Variants in NFIB observed in about 807,000 individuals in gnomAD.
The protein encoded by NFIB is nuclear factor 1 B-type.
NFIB carries 11 observed loss-of-function variants against 61.5 expected under a neutral mutation model. That is an observed-to-expected ratio of 0.18 (90% CI 0.11 to 0.30). The LOEUF (loss-of-function observed/expected upper bound fraction) is 0.30. NFIB is among the 10% of genes least tolerant of loss of function. The probability of loss-of-function intolerance (pLI) is 1.00; values close to 1 mark genes in which losing one functional copy is unlikely to be tolerated. For missense variants in NFIB, 471 were observed against 608.9 expected (o/e 0.77, Z 2.38); for synonymous variants, 260 against 216.5 (o/e 1.20, Z -1.76).
chr9:14,521,044 AG>A, the NFIB span, among the ~76,000 whole-genome samples: 1 of 152,172 alleles, frequency 6.6e-6, no homozygotes, highest in Non-Finnish European at 1.5e-5. Flanking sequence ...CAAGAAAATG[AG>A]GCTGAACAAA....
rs191830077 is a variant in NFIB, at chr9:14,235,309, G to A, written c.563-55529C>T. 3.3e-4 allele frequency among the ~76,000 whole-genome samples: 50 copies of A among 152,276 alleles called. 1 individual carries two copies. The highest frequency in any genetic ancestry group is 3.3e-3 in the Admixed American group (50 of 15,288). ...ACTGATAGAGGAGAATGCCTTTTGT[G>A]TTTAGGAACTCCCAGTATTGCCAGC... On this transcript the variant is annotated intron_variant, in intron 2 of 10. Coordinates refer to ENST00000380953, the MANE Select transcript of NFIB (RefSeq NM_001190737.2).
At chr9:14,517,539 T>C in the NFIB span, among the ~76,000 whole-genome samples, 1 of 152,188 alleles carries the variant, frequency 6.6e-6, no homozygotes, top group African/African-American at 2.4e-5. Flanking sequence ...TTGTCCTATG[T>C]TACTTGATCT....
At chr9:14,268,112 T>C (rs1278887888) in intron 2 of NFIB, among the ~76,000 whole-genome samples, 1 of 91,728 alleles carries the variant, frequency 1.1e-5, no homozygotes, top group East Asian at 3.1e-4. Context: ...CATAGCAAGA[T>C]TCCATCTCAA....
chr9:14,279,961 G>T (rs2132421287), intron 2 of NFIB, among the ~76,000 whole-genome samples: 1 of 152,258 alleles, frequency 6.6e-6, no homozygotes, highest in South Asian at 2.1e-4. Context: ...CAACCAGCGG[G>T]ATTGCTCTGA....
At chr9:14,181,282 C>T (rs955252969) in intron 2 of NFIB, among the ~76,000 whole-genome samples, 1 of 152,164 alleles carries the variant, frequency 6.6e-6, no homozygotes, top group African/African-American at 2.4e-5. Flanking sequence ...TTCATGAGAT[C>T]TTGGCAGGCA....
intron 2 of NFIB, among the ~76,000 whole-genome samples, chr9:14,280,233 C>CT (rs1407727459): frequency 1.3e-5 from 2 of 152,160 alleles, no homozygotes; most frequent in African/African-American, 4.8e-5. Context: ...GATTCCACCA[C>CT]TTGCTAGTTG....
chr9:14,185,008 T>G (rs527832001), intron 2 of NFIB, among the ~76,000 whole-genome samples: 5 of 152,152 alleles, frequency 3.3e-5, no homozygotes, highest in Non-Finnish European at 7.4e-5. Flanking sequence ...CTGGTAATGT[T>G]TGGAACACAG....
At chr9:14,091,406 A>C (rs1242918295) in intron 10 of NFIB, among the ~76,000 whole-genome samples, 1 of 152,076 alleles carries the variant, frequency 6.6e-6, no homozygotes. Context: ...TGCTTTTTAT[A>C]CATCTAACTC....
chr9:14,210,110 T>C (rs975513897), intron 2 of NFIB, among the ~76,000 whole-genome samples: 6 of 152,120 alleles, frequency 3.9e-5, no homozygotes, highest in Non-Finnish European at 8.8e-5. Flanking sequence ...GCGCTACACA[T>C]CTCCCCAAAG....
chr9:14,314,303 G>A (rs2060438195), upstream of NFIB: 4 of 307,724 alleles, frequency 1.3e-5, no homozygotes, highest in African/African-American at 2.3e-5. Context: ...GCCGCCGCCC[G>A]CGCCGGGTCT....
chr9:14,205,426 T>C (rs1185336512), intron 2 of NFIB, among the ~76,000 whole-genome samples: 3 of 151,702 alleles, frequency 2.0e-5, no homozygotes, highest in Non-Finnish European at 4.4e-5. Context: ...TAAGTACACC[T>C]TCATAAGTAC....
intron 2 of NFIB, among the ~76,000 whole-genome samples, chr9:14,218,147 A>C (rs1360455045): frequency 1.3e-5 from 2 of 152,224 alleles, no homozygotes; most frequent in Non-Finnish European, 2.9e-5. Flanking sequence ...CCAAGGTGGT[A>C]TTTGGAAGGC....
chr9:14,216,393 TA>T (rs1176267142), intron 2 of NFIB, among the ~76,000 whole-genome samples: 1 of 151,922 alleles, frequency 6.6e-6, no homozygotes, highest in Non-Finnish European at 1.5e-5. Context: ...AAGTAGAAAC[TA>T]AAAAAGGTCT....
intron 1 of NFIB, among the ~76,000 whole-genome samples, chr9:14,390,925 A>G (rs2061611950): frequency 6.6e-6 from 1 of 152,246 alleles, no homozygotes; most frequent in Admixed American, 6.5e-5. Flanking sequence ...ACTTTGGATT[A>G]TAACCAAAAG....
At chr9:14,123,710 C>G (rs1358166008) in intron 7 of NFIB, among the ~76,000 whole-genome samples, 2 of 152,098 alleles carry the variant, frequency 1.3e-5, no homozygotes, top group African/African-American at 4.8e-5. Flanking sequence ...TGCCAGTTTG[C>G]CCCTTTTCTT....
At chr9:14,315,105 G>A (rs917612901), upstream of NFIB, among the ~76,000 whole-genome samples, 1 of 152,024 alleles carries the variant, frequency 6.6e-6, no homozygotes. Flanking sequence ...GCGGGGACCT[G>A]AGCGAACTTG....
the NFIB span, among the ~76,000 whole-genome samples, chr9:14,493,917 T>C: frequency 3.9e-5 from 6 of 152,334 alleles, no homozygotes; most frequent in Non-Finnish European, 8.8e-5. Flanking sequence ...CAGAGAGGAC[T>C]AGCTTTTCCT....
intron 2 of NFIB, among the ~76,000 whole-genome samples, chr9:14,282,331 T>A (rs575918147): frequency 6.6e-6 from 1 of 152,320 alleles, no homozygotes; most frequent in African/African-American, 2.4e-5. Flanking sequence ...GGGCAATAAA[T>A]ATCCCATAAA....
intron 1 of NFIB, among the ~76,000 whole-genome samples, chr9:14,343,239 C>G (rs1319686715): frequency 2.6e-5 from 4 of 152,164 alleles, no homozygotes; most frequent in Non-Finnish European, 5.9e-5. Context: ...TTTCAAGTAA[C>G]CATGCTATAC....
Sources: allele counts gnomAD v4.1 joint callset (sites outside exome capture counted in the v4.1 genomes callset), GRCh38; gene constraint gnomAD v4.1.1; transcripts MANE v1.5; gene names NCBI Gene and HGNC (gene_info 2026-07-23, HGNC 2026-07-21).